Variants in RNGTT observed in about 807,000 individuals in gnomAD.
RNGTT encodes RNA guanylyltransferase and 5'-phosphatase, also known as mRNA-capping enzyme.
Under a neutral mutation model 79.3 loss-of-function variants are expected in RNGTT, and 33 were observed. The ratio of observed to expected loss-of-function variants is 0.42; its 90% CI spans 0.32 to 0.56. The LOEUF (loss-of-function observed/expected upper bound fraction) is 0.56, where lower values mean the gene tolerates loss of function less well. Among genes scored for constraint, RNGTT ranks in the 20% least tolerant of loss-of-function variants. The pLI, the probability that RNGTT is intolerant of heterozygous loss-of-function variation, is 0.17. For synonymous variants in RNGTT, 222 were observed against 235.9 expected, an observed-to-expected ratio of 0.94 and a Z score of 0.54; for missense variants, 497 against 739.1, an observed-to-expected ratio of 0.67 and a Z score of 3.80.
chr6:88,752,456 A>C (rs2127831036), intron 13 of RNGTT, among the ~76,000 whole-genome samples: 1 of 152,264 alleles, frequency 6.6e-6, no homozygotes, highest in Admixed American at 6.5e-5. Context: ...CTAAATCTTA[A>C]TAGAGCAAAC....
intron 6 of RNGTT, among the ~76,000 whole-genome samples, chr6:88,900,750 A>AG (rs1370757152): frequency 1.3e-5 from 2 of 150,938 alleles, no homozygotes; most frequent in Non-Finnish European, 2.9e-5. Flanking sequence ...AATAAATAAA[A>AG]AGAATAAAAA....
intron 12 of RNGTT, among the ~76,000 whole-genome samples, chr6:88,777,563 G>A (rs1345013414): frequency 6.6e-6 from 1 of 151,988 alleles, no homozygotes; most frequent in Admixed American, 6.6e-5. Flanking sequence ...TCTTTTTGAT[G>A]CTATTGTAAA....
chr6:88,798,806 A>G (rs75333384), intron 12 of RNGTT, among the ~76,000 whole-genome samples: 2,888 of 152,338 alleles, frequency 0.019, 82 homozygotes, highest in African/African-American at 0.066. Context: ...TTAACACAAT[A>G]AAGGATATCT....
chr6:88,760,608 T>C (rs1035563257), intron 13 of RNGTT, among the ~76,000 whole-genome samples: 2 of 152,146 alleles, frequency 1.3e-5, no homozygotes, highest in African/African-American at 4.8e-5. Context: ...ACTATAATAA[T>C]AGTGATTACA....
intron 13 of RNGTT, among the ~76,000 whole-genome samples, chr6:88,713,907 C>T (rs372920240): frequency 1.3e-5 from 2 of 152,148 alleles, no homozygotes; most frequent in African/African-American, 4.8e-5. Flanking sequence ...CCCTTGCTCT[C>T]ATTGTGAAAG....
intron 11 of RNGTT, among the ~76,000 whole-genome samples, chr6:88,827,641 G>C (rs905412846): frequency 1.4e-4 from 22 of 152,300 alleles, no homozygotes; most frequent in African/African-American, 4.8e-4. Context: ...AGATCCACTG[G>C]CTTGAAATTC....
Position 88,929,030 on chromosome 6 carries a change from G to T in RNGTT, c.322C>A (p.Arg108Ser), listed in dbSNP as rs767357057. 6.2e-7 allele frequency: 1 copy of T among 1,612,758 alleles called. No individual in the cohort carries two copies. Among genetic ancestry groups the T allele is most frequent in the South Asian group, 1.1e-5 (1 of 90,876 alleles). ...CTTTCATTAAACCGCTCACACAGAC[G>T]AATAAAGGTCTCAGTATTCTCAGTG... ...PTTENTETFI[R>S]LCERFNERNP... Residue 108 changes from arginine to serine, a missense_variant, in exon 4 of 16, where the codon CGT becomes AGT. Around this residue, in one of 3 missense-constraint regions of RNGTT, gnomAD observed 440 missense variants for 671.5 expected, o/e 0.66. Transcript: ENST00000369485.
At chr6:88,615,772 A>G (rs145080088) in intron 14 of RNGTT, among the ~76,000 whole-genome samples, 12 of 152,324 alleles carry the variant, frequency 7.9e-5, no homozygotes, top group African/African-American at 2.4e-4. Context: ...TGGGTCACTG[A>G]AAGAATAATA....
rs183831690 is a variant in RNGTT, at chr6:88,783,307, C to T, written c.1339-13433G>A. On this transcript the variant is annotated intron_variant, in intron 12 of 15. Coordinates refer to ENST00000369485, the MANE Select transcript of RNGTT (RefSeq NM_003800.5). ...AAATAAGCCAGAAAGAGAAATACTGCATGATCTCACTTATACATGGAATCT... is the reference window on the plus strand; with the variant it reads ...AAATAAGCCAGAAAGAGAAATACTGTATGATCTCACTTATACATGGAATCT... Among the ~76,000 whole-genome samples, 12 of 152,228 alleles carry T rather than the reference C, an allele frequency of 7.9e-5. No individual in the cohort carries two copies. In the East Asian group the frequency reaches 1.4e-3, roughly 17 times the overall value.
chr6:88,691,338 G>A (rs1054812028), intron 13 of RNGTT, among the ~76,000 whole-genome samples: 8 of 150,146 alleles, frequency 5.3e-5, no homozygotes, highest in African/African-American at 1.3e-4. Context: ...TTCCTGTACC[G>A]TCTGCACAAC....
intron 1 of RNGTT, among the ~76,000 whole-genome samples, chr6:88,941,659 C>T (rs1784850924): frequency 6.6e-6 from 1 of 151,820 alleles, no homozygotes; most frequent in Non-Finnish European, 1.5e-5. Flanking sequence ...AGATACTACC[C>T]TACATCTTTT....
At chr6:88,831,990 A>G (rs57363283) in intron 11 of RNGTT, among the ~76,000 whole-genome samples, 3,137 of 152,350 alleles carry the variant, frequency 0.021, 116 homozygotes, top group African/African-American at 0.07. Flanking sequence ...GGAAGAATCA[A>G]TATCGTGAAA....
intron 11 of RNGTT, among the ~76,000 whole-genome samples, chr6:88,821,680 A>G (rs1780501190): frequency 6.6e-6 from 1 of 152,042 alleles, no homozygotes; most frequent in African/African-American, 2.4e-5. Context: ...GAAAGAAAAA[A>G]TGGTGTCAAC....
Position 88,918,531 on chromosome 6 carries a change from G to A in RNGTT, c.367+10454C>T, listed in dbSNP as rs530463079. Among the ~76,000 whole-genome samples, 101 of 152,210 alleles carry A rather than the reference G, an allele frequency of 6.6e-4. 1 individual carries two copies. Among genetic ancestry groups the A allele is most frequent in the Admixed American group, 1.6e-3 (24 of 15,288 alleles). On this transcript the variant is annotated intron_variant, in intron 4 of 15. Transcript: ENST00000369485. ...AGGTATGTTTACAGGCTCAGGACAA[G>A]AACCTAGTTAAACCACAAAGCTTGA...
At chr6:88,646,603 C>T (rs1025563668) in intron 14 of RNGTT, among the ~76,000 whole-genome samples, 1 of 152,118 alleles carries the variant, frequency 6.6e-6, no homozygotes, top group Non-Finnish European at 1.5e-5. Flanking sequence ...CAAATGTCCA[C>T]CAATGATAGA....
intron 1 of RNGTT, among the ~76,000 whole-genome samples, chr6:88,952,736 G>C (rs757641798): frequency 1.3e-5 from 2 of 152,162 alleles, no homozygotes; most frequent in Non-Finnish European, 2.9e-5. Context: ...ACCCCTACCA[G>C]AGCAGGTGCT....
At position 88,853,778 on chromosome 6, in the gene RNGTT, A is replaced by C. The variant is rs1781752789; in HGVS notation, c.897-14T>G. ...AACATCATGTACCTGTAAATGAAAC[A>C]TTAAAAAGCTAATATTTACAGTATA... On this transcript the variant is annotated splice_polypyrimidine_tract_variant and intron_variant, in intron 8 of 15. Coordinates refer to ENST00000369485, the MANE Select transcript of RNGTT (RefSeq NM_003800.5). 1 of 1,491,588 alleles carries C rather than the reference A, an allele frequency of 6.7e-7. No individual in the cohort carries two copies. The highest frequency in any genetic ancestry group is 2.1e-5 in the Admixed American group (1 of 47,162). 92.4% of individuals were successfully genotyped at this position (1,491,588 alleles called of 1,614,324 possible).
At chr6:88,932,539 A>C (rs1784543782) in intron 2 of RNGTT, among the ~76,000 whole-genome samples, 1 of 152,102 alleles carries the variant, frequency 6.6e-6, no homozygotes, top group South Asian at 2.1e-4. Flanking sequence ...GAACCTGCTG[A>C]CATGTGTCTC....
chr6:88,707,079 G>A (rs148480003), intron 13 of RNGTT, among the ~76,000 whole-genome samples: 1 of 152,118 alleles, frequency 6.6e-6, no homozygotes, highest in African/African-American at 2.4e-5. Context: ...GTTTTAGATA[G>A]TAGGCAAAAA....
Sources: allele counts gnomAD v4.1 joint callset (sites outside exome capture counted in the v4.1 genomes callset), GRCh38; gene constraint gnomAD v4.1.1; regional missense constraint gnomAD v4.1.1; transcripts MANE v1.5; gene names NCBI Gene and HGNC (gene_info 2026-07-23, HGNC 2026-07-21).